RECK: variants seen among roughly 807,000 people sequenced by gnomAD.
The protein encoded by RECK is reversion-inducing cysteine-rich protein with Kazal motifs.
A neutral mutation model predicts 115.1 loss-of-function variants in RECK; 69 were observed. That is an observed-to-expected ratio of 0.60 (90% CI 0.49 to 0.73). RECK has a LOEUF of 0.73. Ranked by LOEUF, RECK falls within the 30% of genes least tolerant of loss-of-function variation. RECK has a pLI of 0.00. For synonymous variants in RECK, 414 were observed against 419.7 expected, an observed-to-expected ratio of 0.99 and a Z score of 0.17; for missense variants, 1,047 against 1,203.7, an observed-to-expected ratio of 0.87 and a Z score of 1.93.
intron 17 of RECK, among the ~76,000 whole-genome samples, chr9:36,118,065 G>A (rs560687214): frequency 3.9e-5 from 6 of 152,310 alleles, no homozygotes; most frequent in South Asian, 4.1e-4. Flanking sequence ...CCCTGGGGCC[G>A]TGCTTTGGGC....
At chr9:36,065,710 ATTT>A in intron 6 of RECK, 86 bp downstream of exon 6, 1 of 1,090,946 alleles carries the variant, frequency 9.2e-7, no homozygotes, top group Non-Finnish European at 1.2e-6. Context: ...AAATGAATTT[ATTT>A]TTATACAACT....
Position 36,123,077 on chromosome 9 carries a change from C to A in RECK, c.*32C>A. On this transcript the variant is annotated 3_prime_UTR_variant, in exon 21 of 21. Transcript: ENST00000377966. ...ACGGAAAGTGCAGAATGCTCCTCCA[C>A]CTCACTCTCCTGCCTTGAAAAAGAC... 6.5e-7 allele frequency: 1 copy of A among 1,541,890 alleles called. No individual in the cohort carries two copies. Among genetic ancestry groups the A allele is most frequent in the Non-Finnish European group, 8.9e-7 (1 of 1,122,012 alleles).
At chr9:36,065,255 A>AAAAAAAAAAC in intron 5 of RECK, among the ~76,000 whole-genome samples, 1 of 149,432 alleles carries the variant, frequency 6.7e-6, no homozygotes, top group Non-Finnish European at 1.5e-5. Context: ...AAAAAAAAAA[A>AAAAAAAAAAC]TCCTCTGATT....
At chr9:36,112,692 G>T (rs1439772788) in intron 16 of RECK, among the ~76,000 whole-genome samples, 1 of 152,192 alleles carries the variant, frequency 6.6e-6, no homozygotes, top group Non-Finnish European at 1.5e-5. Context: ...CCTGGGGAAG[G>T]CCCTGGGGGA....
chr9:36,100,005 T>G (rs1368899605), intron 10 of RECK, among the ~76,000 whole-genome samples: 5 of 152,262 alleles, frequency 3.3e-5, no homozygotes, highest in African/African-American at 9.6e-5. Context: ...TTGTAAATTA[T>G]GTTGCCATTT....
At chr9:36,104,327 T>TATA (rs1491333559) in intron 12 of RECK, among the ~76,000 whole-genome samples, 8 of 8,808 alleles carry the variant, frequency 9.1e-4, no homozygotes, top group Non-Finnish European at 1.2e-3. Flanking sequence ...TATATATATA[T>TATA]TTTTTTTTTT....
In RECK at chr9:36,118,972, G is replaced by A. The variant is rs1430285196; in HGVS notation, c.2464+5G>A. Reference sequence around the variant, plus strand: ...GCAAACCCATCATCCCACCGGGTAGGCTGGCAGTATCGGGGTGGACAGGGG... The same window carrying A: ...GCAAACCCATCATCCCACCGGGTAGACTGGCAGTATCGGGGTGGACAGGGG... On this transcript the variant is annotated splice_donor_5th_base_variant and intron_variant, in intron 18 of 20. Transcript: ENST00000377966. 6.2e-7 allele frequency: 1 copy of A among 1,611,534 alleles called. No homozygotes were observed. The highest frequency in any genetic ancestry group is 1.1e-5 in the South Asian group (1 of 90,976).
At position 36,122,992 on chromosome 9, in the gene RECK, CT is replaced by C. The variant is rs762592426; in HGVS notation, c.2864del (p.Leu955ProfsTer44). The C allele has an allele frequency of 6.2e-7, 1 of 1,614,148 alleles. No homozygotes were observed. Among genetic ancestry groups the C allele is most frequent in the South Asian group, 1.1e-5 (1 of 91,074 alleles). Reference protein sequence around the residue: ...VRARPSCHSLLLPLSLGLALH... With the variant: ...VRARPSCHSLXLPLSLGLALH... ...GGCCAGGCCTTCTTGCCACTCCCTC[CT>C]CCTTCCCCTCAGCTTGGGCCTTGCC... On this transcript the variant is annotated frameshift_variant, in exon 21 of 21. Transcript: ENST00000377966. LOFTEE classifies it high-confidence loss of function.
chr9:36,063,028 AG>A lies in RECK; in HGVS notation c.272-765del, dbSNP rs760569165. The stretch of plus-strand genomic sequence containing the variant: ...CAGACGCCTGTAGTCCCAGCTACTC[AG>A]GAGGCTGAGGCAGGAGAATTGCTTG... On this transcript the variant is annotated intron_variant, in intron 4 of 20. Coordinates refer to ENST00000377966, the MANE Select transcript of RECK (RefSeq NM_021111.3). Among the ~76,000 whole-genome samples the A allele has an allele frequency of 6.4e-4, 98 of 152,088 alleles. No homozygotes were observed. The Middle Eastern group carries it at 0.017, about 27-fold the overall frequency.
chr9:36,059,244 G>A (rs1430064180), intron 3 of RECK, among the ~76,000 whole-genome samples: 1 of 151,992 alleles, frequency 6.6e-6, no homozygotes, highest in Non-Finnish European at 1.5e-5. Flanking sequence ...ATTACCTGAG[G>A]TCAGGATTTC....
At chr9:36,101,565 G>A (rs7029444) in intron 11 of RECK, among the ~76,000 whole-genome samples, 11,415 of 152,210 alleles carry the variant, frequency 0.075, 525 homozygotes, top group South Asian at 0.18. Context: ...ACAAGCAAGA[G>A]GCAACAAGAG....
At chr9:36,086,647 G>T (rs1172174376) in intron 8 of RECK, among the ~76,000 whole-genome samples, 1 of 152,046 alleles carries the variant, frequency 6.6e-6, no homozygotes, top group Non-Finnish European at 1.5e-5. Context: ...TGATTGGTCC[G>T]TTTTACAGAG....
At chr9:36,037,223 C>T (rs1404990922) in intron 1 of RECK, 125 bp downstream of exon 1, 2 of 560,062 alleles carry the variant, frequency 3.6e-6, no homozygotes, top group South Asian at 8.0e-5. Flanking sequence ...CCGGCGACCC[C>T]GGGACCCCAG....
At chr9:36,058,744 TA>T (rs1821636508) in intron 2 of RECK, 82 bp from the exon 3 acceptor site, 1 of 663,096 alleles carries the variant, frequency 1.5e-6, no homozygotes, top group South Asian at 3.4e-5. Flanking sequence ...AGACAACTGA[TA>T]AATCTAGAGG....
chr9:36,086,633 C>G (rs912728417), intron 8 of RECK, among the ~76,000 whole-genome samples: 1 of 152,124 alleles, frequency 6.6e-6, no homozygotes, highest in African/African-American at 2.4e-5. Context: ...CCGCCCACAT[C>G]TGCTGATTGG....
chr9:36,042,198 T>C (rs902730241), intron 1 of RECK, among the ~76,000 whole-genome samples: 2 of 151,988 alleles, frequency 1.3e-5, no homozygotes, highest in African/African-American at 4.8e-5. Flanking sequence ...TTATCCCTCA[T>C]CCCCCGCTCA....
intron 16 of RECK, among the ~76,000 whole-genome samples, chr9:36,113,959 G>C (rs1824160080): frequency 6.6e-6 from 1 of 152,152 alleles, no homozygotes; most frequent in Non-Finnish European, 1.5e-5. Context: ...TAATTACATA[G>C]AGCCCATTTG....
Position 36,037,071 on chromosome 9 carries a change from G to A in RECK, c.73G>A (p.Ala25Thr), listed in dbSNP as rs1303603472. Reference protein sequence around the residue: ...LLAVAGVAEVAGGLAPGSAGA... With the variant: ...LLAVAGVAEVTGGLAPGSAGA... ...GGCCGTGGCGGGGGTCGCGGAGGTG[G>A]CAGGGGGCCTGGCTCCGGGCAGTGC... Residue 25 changes from alanine to threonine, a missense_variant, in exon 1 of 21, where the codon GCA becomes ACA. Ala to Thr is a moderately conservative substitution (Grantham distance 58, BLOSUM62 0). Coordinates refer to ENST00000377966, the MANE Select transcript of RECK (RefSeq NM_021111.3). 2.9e-6 allele frequency: 4 copies of A among 1,384,780 alleles called. No homozygotes were observed. The highest frequency in any genetic ancestry group is 1.6e-5 in the South Asian group (1 of 62,202). The allele number at this position is 1,384,780 out of a possible 1,614,324, so 85.8% of individuals were successfully genotyped here. A position where few individuals can be genotyped will look rare whatever the true frequency, so the allele number is the denominator to read the frequency against.
chr9:36,068,847 A>G (rs895220801), intron 6 of RECK, among the ~76,000 whole-genome samples: 2 of 152,210 alleles, frequency 1.3e-5, no homozygotes, highest in African/African-American at 4.8e-5. Flanking sequence ...GTCTTATTCC[A>G]TTGAAAATTC....
Sources: gnomAD v4.1 joint callset for allele counts (sites outside exome capture counted in the v4.1 genomes callset) on GRCh38, gnomAD v4.1.1 for gene constraint, MANE v1.5 for transcripts, NCBI Gene and HGNC (gene_info 2026-07-23, HGNC 2026-07-21) for gene names.